The following SGCD variants were observed in gnomAD, a reference collection of about 807,000 sequenced individuals.
SGCD encodes delta-sarcoglycan.
In SGCD, 18 loss-of-function variants were observed where a neutral mutation model predicts 36.6. The ratio of observed to expected loss-of-function variants is 0.49; its 90% CI spans 0.34 to 0.73. The LOEUF (loss-of-function observed/expected upper bound fraction) is 0.73. Ranked by LOEUF, SGCD falls within the 30% of genes least tolerant of loss-of-function variation. The pLI is 0.01. For synonymous variants in SGCD, 133 were observed against 130.6 expected (o/e 1.02, Z -0.12); for missense variants, 387 against 346.7 (o/e 1.12, Z -0.92).
At chr5:156,740,877 G>A (rs1392787880) in intron 7 of SGCD, among the ~76,000 whole-genome samples, 1 of 152,158 alleles carries the variant, frequency 6.6e-6, no homozygotes, top group East Asian at 1.9e-4. Context: ...AACTCCCCAA[G>A]TGCAGCTGCT....
At chr5:155,743,129 G>T in the SGCD span, among the ~76,000 whole-genome samples, 2 of 152,076 alleles carry the variant, frequency 1.3e-5, no homozygotes, top group Admixed American at 1.3e-4. Flanking sequence ...AGTCATGATT[G>T]TTTACATCAT....
chr5:156,244,281 G>A (rs548614815), intron 3 of SGCD, among the ~76,000 whole-genome samples: 5 of 152,140 alleles, frequency 3.3e-5, no homozygotes, highest in Non-Finnish European at 7.4e-5. Context: ...TTGAGGAACC[G>A]TGTCCAGTTG....
chr5:155,793,535 A>G, the SGCD span, among the ~76,000 whole-genome samples: 1 of 151,610 alleles, frequency 6.6e-6, no homozygotes, highest in Non-Finnish European at 1.5e-5. Flanking sequence ...ATAAAATGTC[A>G]GTTTTTTTTT....
chr5:156,722,927 G>A (rs1755581289), intron 7 of SGCD, among the ~76,000 whole-genome samples: 1 of 152,120 alleles, frequency 6.6e-6, no homozygotes, highest in Non-Finnish European at 1.5e-5. Context: ...GCCCAATAAA[G>A]GTGCAATCAC....
intron 1 of SGCD, among the ~76,000 whole-genome samples, chr5:155,969,014 C>A (rs969842809): frequency 2.0e-5 from 3 of 152,060 alleles, no homozygotes; most frequent in Non-Finnish European, 4.4e-5. Context: ...CTAGGTCATT[C>A]TTTTTAAGGG....
chr5:156,333,688 G>T (rs1231903946), intron 2 of SGCD, among the ~76,000 whole-genome samples: 2 of 148,940 alleles, frequency 1.3e-5, no homozygotes, highest in Admixed American at 6.7e-5. Context: ...TTATATGTCT[G>T]TGAGGATTAA....
At chr5:156,531,466 A>G (rs1335372787) in intron 4 of SGCD, among the ~76,000 whole-genome samples, 1 of 152,202 alleles carries the variant, frequency 6.6e-6, no homozygotes, top group Non-Finnish European at 1.5e-5. Context: ...TAAGAAGATG[A>G]CTAACCCCAA....
chr5:156,589,130 C>T, intron 4 of SGCD, 101 bp from the exon 5 acceptor site: 1 of 784,968 alleles, frequency 1.3e-6, no homozygotes, highest in Non-Finnish European at 2.1e-6. Context: ...TTGATTGGAA[C>T]TTGGCTAAAG....
rs151114272 is a variant in SGCD at position 156,023,832 on chromosome 5, C to T, written c.-281-94046C>T. Among the ~76,000 whole-genome samples, 112 of 147,104 alleles carry T rather than the reference C, an allele frequency of 7.6e-4. No individual in the cohort carries two copies. The East Asian group carries it at 0.019, about 24-fold the overall frequency. The stretch of plus-strand genomic sequence containing the variant: ...TCACGAAGCTCTGCCATACTTAATG[C>T]CTCTTATTTGGTCTCAACTTCTACT... On this transcript the variant is annotated intron_variant, in intron 1 of 9. Transcript: ENST00000517913.
intron 3 of SGCD, among the ~76,000 whole-genome samples, chr5:156,405,110 G>C (rs553862371): frequency 6.6e-6 from 1 of 152,258 alleles, no homozygotes; most frequent in South Asian, 2.1e-4. Flanking sequence ...CATGTGAAAA[G>C]ACACACATGG....
chr5:156,161,820 G>A (rs1244692801), intron 3 of SGCD, among the ~76,000 whole-genome samples: 2 of 151,582 alleles, frequency 1.3e-5, no homozygotes, highest in Admixed American at 1.3e-4. Flanking sequence ...ACTTCTTAAT[G>A]TTTCTGAATA....
At chr5:155,801,593 A>G in the SGCD span, among the ~76,000 whole-genome samples, 1 of 152,240 alleles carries the variant, frequency 6.6e-6, no homozygotes, top group Non-Finnish European at 1.5e-5. Flanking sequence ...TTAGAGAGGC[A>G]GAAGACTGAG....
chr5:156,567,101 A>T (rs992867489), intron 4 of SGCD, among the ~76,000 whole-genome samples: 3 of 152,156 alleles, frequency 2.0e-5, no homozygotes, highest in African/African-American at 7.2e-5. Context: ...CTTGAACAAG[A>T]TCCATGACAG....
At chr5:156,353,090 G>C (rs1438729723) in intron 3 of SGCD, among the ~76,000 whole-genome samples, 1 of 152,222 alleles carries the variant, frequency 6.6e-6, no homozygotes, top group Non-Finnish European at 1.5e-5. Flanking sequence ...CAGCCAGCAT[G>C]TTCCATAACT....
intron 3 of SGCD, among the ~76,000 whole-genome samples, chr5:156,501,868 G>T (rs1285504971): frequency 6.6e-6 from 1 of 152,082 alleles, no homozygotes; most frequent in Admixed American, 6.6e-5. Context: ...CAGACTTCAG[G>T]ATCATCACTG....
intron 6 of SGCD, among the ~76,000 whole-genome samples, chr5:156,628,566 A>G (rs568864299): frequency 2.0e-5 from 3 of 152,364 alleles, no homozygotes; most frequent in East Asian, 3.9e-4. Flanking sequence ...AAAGTAAGAC[A>G]TAGTAAAGAA....
chr5:155,911,293 ATGTGTGTG>A (rs371986965), intron 1 of SGCD, among the ~76,000 whole-genome samples: 1 of 141,604 alleles, frequency 7.1e-6, no homozygotes, highest in Non-Finnish European at 1.5e-5. Flanking sequence ...AGTATAGTAT[ATGTGTGTG>A]TGTGTGTGTG....
intron 3 of SGCD, among the ~76,000 whole-genome samples, chr5:156,193,286 G>T (rs575220249): frequency 6.6e-6 from 1 of 152,210 alleles, no homozygotes; most frequent in Non-Finnish European, 1.5e-5. Flanking sequence ...TTGATTTCCA[G>T]CCATACAGGA....
At chr5:156,446,399 G>T (rs1753757248) in intron 3 of SGCD, among the ~76,000 whole-genome samples, 2 of 152,006 alleles carry the variant, frequency 1.3e-5, no homozygotes, top group East Asian at 3.9e-4. Context: ...TGGACCTTAG[G>T]GTGTGGAGAG....
Sources: allele counts gnomAD v4.1 joint callset (sites outside exome capture counted in the v4.1 genomes callset), GRCh38; gene constraint gnomAD v4.1.1; transcripts MANE v1.5; gene names NCBI Gene and HGNC (gene_info 2026-07-23, HGNC 2026-07-21).